Variants in PRDM16 observed in about 807,000 individuals in gnomAD.
PRDM16 encodes histone-lysine N-methyltransferase PRDM16.
A neutral mutation model predicts 110.6 loss-of-function variants in PRDM16; 23 were observed. The ratio of observed to expected loss-of-function variants is 0.21; its 90% CI spans 0.15 to 0.29. The LOEUF (loss-of-function observed/expected upper bound fraction) is 0.29, where lower values mean the gene tolerates loss of function less well. Among genes scored for constraint, PRDM16 ranks in the 10% least tolerant of loss-of-function variants. PRDM16 has a pLI of 1.00. For missense variants in PRDM16, 1,615 were observed against 1,794.3 expected, an observed-to-expected ratio of 0.90 and a Z score of 1.81; for synonymous variants, 799 against 781.8, an observed-to-expected ratio of 1.02 and a Z score of -0.37.
chr1:3,288,738 A>G (rs1407243081), intron 3 of PRDM16, among the ~76,000 whole-genome samples: 1 of 152,168 alleles, frequency 6.6e-6, no homozygotes, highest in Non-Finnish European at 1.5e-5. Flanking sequence ...CTCTCCCTGC[A>G]GGAGCCAAAG....
At chr1:3,433,311 C>T (rs537567653) in intron 16 of PRDM16, among the ~76,000 whole-genome samples, 14 of 152,362 alleles carry the variant, frequency 9.2e-5, no homozygotes, top group Non-Finnish European at 1.9e-4. Context: ...GGGGAGAATC[C>T]GGGTCTTAGT....
chr1:3,114,265 C>T (rs557633184), intron 1 of PRDM16, among the ~76,000 whole-genome samples: 24 of 145,198 alleles, frequency 1.7e-4, no homozygotes, highest in African/African-American at 5.7e-4. Context: ...CACGCGCACA[C>T]GTACACACAC....
At chr1:3,374,840 G>C (rs985530542) in intron 3 of PRDM16, among the ~76,000 whole-genome samples, 1 of 152,194 alleles carries the variant, frequency 6.6e-6, no homozygotes, top group Non-Finnish European at 1.5e-5. Flanking sequence ...ACCCAGGTAC[G>C]GCCCCATTCT....
At chr1:3,261,322 T>C (rs556151522) in intron 3 of PRDM16, among the ~76,000 whole-genome samples, 1 of 152,174 alleles carries the variant, frequency 6.6e-6, no homozygotes, top group East Asian at 1.9e-4. Flanking sequence ...GGTAGTCGGG[T>C]CAAAATATTT....
At chr1:3,125,769 C>T (rs1009657612) in intron 1 of PRDM16, among the ~76,000 whole-genome samples, 67 of 152,254 alleles carry the variant, frequency 4.4e-4, no homozygotes, top group Admixed American at 2.6e-3. Flanking sequence ...GACCCCACTA[C>T]GCCTGGCCCC....
In PRDM16 at chr1:3,265,938, C is replaced by T. The variant is rs1640278843; in HGVS notation, c.438+21801C>T. On this transcript the variant is annotated intron_variant, in intron 3 of 16. Transcript: ENST00000270722. The surrounding 1 kb of genome is among the most constrained non-coding windows in gnomAD (Gnocchi z 4.5). ...TCCTTGGTGCGTGTCTCATAAAGCC[C>T]AGGAGGGCGAGGCCAGGCCCAGCCC... Among the ~76,000 whole-genome samples the T allele has an allele frequency of 6.6e-6, 1 of 152,094 alleles. No individual in the cohort carries two copies. Among genetic ancestry groups the T allele is most frequent in the Admixed American group, 6.5e-5 (1 of 15,286 alleles).
intron 2 of PRDM16, among the ~76,000 whole-genome samples, chr1:3,217,598 C>T (rs1639058681): frequency 1.3e-5 from 2 of 152,200 alleles, no homozygotes; most frequent in Admixed American, 6.5e-5. Flanking sequence ...CCTAAGTCTA[C>T]GGCGAGGGTG....
At chr1:3,106,536 G>A (rs1439069735) in intron 1 of PRDM16, among the ~76,000 whole-genome samples, 1 of 152,224 alleles carries the variant, frequency 6.6e-6, no homozygotes, top group Non-Finnish European at 1.5e-5. Context: ...TGCCAGGGCT[G>A]GGGGAGTGGT....
chr1:3,180,926 A>G (rs1185129330), intron 1 of PRDM16, among the ~76,000 whole-genome samples: 3 of 148,258 alleles, frequency 2.0e-5, no homozygotes, highest in Non-Finnish European at 3.0e-5. Context: ...AGCCTTACAC[A>G]CGCAGCCACA....
Position 3,370,536 on chromosome 1 carries a change from A to C in PRDM16, c.439-14616A>C, listed in dbSNP as rs1041375760. Among the ~76,000 whole-genome samples the C allele has an allele frequency of 6.6e-6, 1 of 151,934 alleles. No homozygotes were observed. Among genetic ancestry groups the C allele is most frequent in the Admixed American group, 6.5e-5 (1 of 15,268 alleles). ...ATAAAACCTTCCAGCCCCACCACCC[A>C]CCAGAGGAGAGGAAGTGACCTGCGA... On this transcript the variant is annotated intron_variant, in intron 3 of 16. Coordinates refer to ENST00000270722, the MANE Select transcript of PRDM16 (RefSeq NM_022114.4). The surrounding 1 kb of genome is among the most constrained non-coding windows in gnomAD (Gnocchi z 4.8).
At chr1:3,408,879 C>CGT (rs759190618) in intron 8 of PRDM16, among the ~76,000 whole-genome samples, 2 of 131,154 alleles carry the variant, frequency 1.5e-5, no homozygotes, top group Non-Finnish European at 3.1e-5. Context: ...TGAGCTGGTG[C>CGT]GTGTGTGTGT....
intron 3 of PRDM16, among the ~76,000 whole-genome samples, chr1:3,266,608 C>T (rs1640300386): frequency 6.6e-6 from 1 of 152,208 alleles, no homozygotes; most frequent in African/African-American, 2.4e-5. Flanking sequence ...AGGCGGGAGG[C>T]ACGGGCCTGC....
At chr1:3,167,026 T>A (rs1331107678) in intron 1 of PRDM16, among the ~76,000 whole-genome samples, 1 of 152,032 alleles carries the variant, frequency 6.6e-6, no homozygotes, top group Non-Finnish European at 1.5e-5. Flanking sequence ...CTGCCCTCCA[T>A]CCCCAGAAGG....
rs962443215 is a variant in PRDM16 at position 3,359,691 on chromosome 1, G to A, written c.439-25461G>A. On this transcript the variant is annotated intron_variant, in intron 3 of 16. Coordinates refer to ENST00000270722, the MANE Select transcript of PRDM16 (RefSeq NM_022114.4). The surrounding 1 kb of genome is among the most constrained non-coding windows in gnomAD (Gnocchi z 4.3). ...TCTTTAGAAAATTTTTGGCAATCTT[G>A]ACTTCTTTCCCCCTTGGAAAAAAAG... is the stretch of plus-strand genomic sequence containing the variant. Among the ~76,000 whole-genome samples, 13 of 152,250 alleles carry A rather than the reference G, an allele frequency of 8.5e-5. No individual in the cohort carries two copies. The highest frequency in any genetic ancestry group is 2.9e-4 in the African/African-American group (12 of 41,550).
chr1:3,344,592 T>C (rs1642328445), intron 3 of PRDM16, among the ~76,000 whole-genome samples: 1 of 152,190 alleles, frequency 6.6e-6, no homozygotes, highest in Non-Finnish European at 1.5e-5. Flanking sequence ...TGTGCACATT[T>C]AGTAATTTTT....
intron 4 of PRDM16, among the ~76,000 whole-genome samples, chr1:3,395,754 G>A (rs1439964761): frequency 6.6e-6 from 1 of 152,178 alleles, no homozygotes; most frequent in Non-Finnish European, 1.5e-5. Context: ...CTTTTCAGGA[G>A]GCCCCTGGCA....
Position 3,436,180 on chromosome 1 carries a change from C to T in PRDM16, c.*2369C>T, listed in dbSNP as rs962916171. ...AACCCAAATTATATGGTTTCTTCTG[C>T]GAAAGAGTAAGGTGTGTGCTTTTTT... On this transcript the variant is annotated 3_prime_UTR_variant, in exon 17 of 17. Transcript: ENST00000270722. 9.1e-6 allele frequency: 2 copies of T among 219,504 alleles called. No homozygotes were observed. Among genetic ancestry groups the T allele is most frequent in the East Asian group, 6.3e-5 (1 of 15,778 alleles). 13.6% of individuals were successfully genotyped at this position (219,504 alleles called of 1,614,324 possible).
At chr1:3,092,123 C>G (rs2376820) in intron 1 of PRDM16, among the ~76,000 whole-genome samples, 76,822 of 151,482 alleles carry the variant, frequency 0.51, 20,573 homozygotes, top group African/African-American at 0.67. Context: ...CTGCTGCATG[C>G]TTGGTGTTAC....
chr1:3,181,702 ACG>A (rs1349660304), intron 1 of PRDM16, among the ~76,000 whole-genome samples: 1 of 134,202 alleles, frequency 7.5e-6, no homozygotes, highest in African/African-American at 2.8e-5. Context: ...GGTCTTACAC[ACG>A]GTCTTACACA....
Sources: allele counts gnomAD v4.1 joint callset (sites outside exome capture counted in the v4.1 genomes callset), GRCh38; gene constraint gnomAD v4.1.1; non-coding constraint Gnocchi (gnomAD v3.1); transcripts MANE v1.5; gene names NCBI Gene and HGNC (gene_info 2026-07-23, HGNC 2026-07-21).